The following GABRG3 variants were observed in gnomAD, a reference collection of about 807,000 sequenced individuals.
GABRG3 encodes gamma-aminobutyric acid receptor subunit gamma-3.
A neutral mutation model predicts 48.8 loss-of-function variants in GABRG3; 25 were observed. The ratio of observed to expected loss-of-function variants is 0.51; its 90% confidence interval spans 0.37 to 0.72. The LOEUF (loss-of-function observed/expected upper bound fraction) is 0.72, where lower values mean the gene tolerates loss of function less well. GABRG3 is among the 30% of genes least tolerant of loss of function. The pLI, the probability that GABRG3 is intolerant of heterozygous loss-of-function variation, is 0.00. For missense variants in GABRG3, 394 were observed against 577.9 expected (o/e 0.68, Z 3.26); for synonymous variants, 227 against 217.6 (o/e 1.04, Z -0.38).
At chr15:27,233,168 G>T (rs1182073534) in intron 3 of GABRG3, among the ~76,000 whole-genome samples, 1 of 152,192 alleles carries the variant, frequency 6.6e-6, no homozygotes, top group South Asian at 2.1e-4. Flanking sequence ...GGTGGGGAAG[G>T]CCTCCTGGAG....
At chr15:27,089,205 G>A (rs1264928541) in intron 3 of GABRG3, among the ~76,000 whole-genome samples, 1 of 152,300 alleles carries the variant, frequency 6.6e-6, no homozygotes, top group Non-Finnish European at 1.5e-5. Context: ...GAGCCGCAGG[G>A]AAGGCAGAAC....
chr15:27,006,303 G>A (rs1395744477), intron 2 of GABRG3, among the ~76,000 whole-genome samples: 2 of 152,050 alleles, frequency 1.3e-5, no homozygotes, highest in African/African-American at 4.8e-5. Context: ...CTGGGTTCAA[G>A]CAATTCTCGT....
intron 4 of GABRG3, 104 bp downstream of exon 4, chr15:27,327,133 C>T (rs535624552): frequency 1.2e-5 from 12 of 1,020,080 alleles, no homozygotes; most frequent in African/African-American, 9.6e-5. Flanking sequence ...AGTCTATTCT[C>T]TTTCACGTGA....
At chr15:27,456,087 C>T (rs71465236) in intron 5 of GABRG3, among the ~76,000 whole-genome samples, 17,054 of 152,086 alleles carry the variant, frequency 0.11, 1,562 homozygotes, top group African/African-American at 0.25. Flanking sequence ...ACTATGGTCC[C>T]GCACTGCTTC....
intron 5 of GABRG3, among the ~76,000 whole-genome samples, chr15:27,461,421 G>A (rs1042948471): frequency 2.0e-5 from 3 of 152,140 alleles, no homozygotes; most frequent in Admixed American, 2.0e-4. Flanking sequence ...TGGTCTCTCT[G>A]ACTTCAAGAA....
chr15:27,314,243 T>C (rs1893135388), intron 3 of GABRG3, among the ~76,000 whole-genome samples: 1 of 152,100 alleles, frequency 6.6e-6, no homozygotes, highest in Non-Finnish European at 1.5e-5. Context: ...GGTTGAAAAA[T>C]GGACTAAAGA....
chr15:27,308,695 A>G (rs1892857741), intron 3 of GABRG3, among the ~76,000 whole-genome samples: 1 of 149,544 alleles, frequency 6.7e-6, no homozygotes, highest in Non-Finnish European at 1.5e-5. Flanking sequence ...ATAAACATAT[A>G]ATGTAAACAT....
At chr15:27,344,370 G>T (rs1206370618) in intron 5 of GABRG3, among the ~76,000 whole-genome samples, 2 of 152,196 alleles carry the variant, frequency 1.3e-5, no homozygotes, top group African/African-American at 4.8e-5. Flanking sequence ...GATGCAGGTT[G>T]TAAAGGTCAA....
At chr15:27,052,614 T>C (rs74006563) in intron 3 of GABRG3, among the ~76,000 whole-genome samples, 3,612 of 152,136 alleles carry the variant, frequency 0.024, 156 homozygotes, top group African/African-American at 0.082. Context: ...CAAAAATAAA[T>C]GAGCAAGAAG....
chr15:27,046,237 G>A (rs1896362251), intron 3 of GABRG3, among the ~76,000 whole-genome samples: 1 of 151,664 alleles, frequency 6.6e-6, no homozygotes, highest in Non-Finnish European at 1.5e-5. Flanking sequence ...GGGATTACAG[G>A]CATGCACCAC....
At chr15:27,006,732 C>A (rs929761821) in intron 2 of GABRG3, among the ~76,000 whole-genome samples, 1 of 152,180 alleles carries the variant, frequency 6.6e-6, no homozygotes, top group African/African-American at 2.4e-5. Flanking sequence ...TTTGGCTCCT[C>A]ACTTGTAAGT....
chr15:27,504,494 A>C (rs1275412526), intron 6 of GABRG3, among the ~76,000 whole-genome samples: 1 of 152,194 alleles, frequency 6.6e-6, no homozygotes, highest in Non-Finnish European at 1.5e-5. Context: ...ACAAGAGTAC[A>C]CTTATATTTC....
chr15:27,087,803 G>A (rs1254996486), intron 3 of GABRG3, among the ~76,000 whole-genome samples: 1 of 151,762 alleles, frequency 6.6e-6, no homozygotes, highest in Non-Finnish European at 1.5e-5. Context: ...AATGTGATGT[G>A]TGTATATGAG....
intron 2 of GABRG3, among the ~76,000 whole-genome samples, chr15:26,986,886 A>G (rs1432129): frequency 1.3e-5 from 2 of 152,010 alleles, no homozygotes; most frequent in Non-Finnish European, 2.9e-5. Flanking sequence ...ATAATGAGTT[A>G]TCCCACCAGT....
intron 3 of GABRG3, among the ~76,000 whole-genome samples, chr15:27,139,813 A>G (rs913717213): frequency 6.6e-6 from 1 of 152,200 alleles, no homozygotes; most frequent in Non-Finnish European, 1.5e-5. Flanking sequence ...AGTGACCAGA[A>G]AGATCAAGGC....
intron 6 of GABRG3, among the ~76,000 whole-genome samples, chr15:27,487,354 GA>G (rs1890245858): frequency 6.6e-6 from 1 of 152,140 alleles, no homozygotes; most frequent in Non-Finnish European, 1.5e-5. Flanking sequence ...CTACATAAGA[GA>G]ATTTTATGGT....
intron 3 of GABRG3, among the ~76,000 whole-genome samples, chr15:27,302,483 A>AC (rs2140493959): frequency 6.6e-6 from 1 of 152,252 alleles, no homozygotes; most frequent in South Asian, 2.1e-4. Context: ...GATGCAACAT[A>AC]CATGAAGCAA....
chr15:27,068,168 G>T (rs1333894178), intron 3 of GABRG3, among the ~76,000 whole-genome samples: 2 of 152,234 alleles, frequency 1.3e-5, no homozygotes, highest in Non-Finnish European at 2.9e-5. Context: ...CTCACAGGAA[G>T]GTGTCTCACT....
At chr15:27,209,501 A>G (rs1394695902) in intron 3 of GABRG3, among the ~76,000 whole-genome samples, 1 of 151,992 alleles carries the variant, frequency 6.6e-6, no homozygotes, top group Non-Finnish European at 1.5e-5. Flanking sequence ...TACGCAAGCA[A>G]TGTAAGAGGA....
Sources: allele counts gnomAD v4.1 joint callset (sites outside exome capture counted in the v4.1 genomes callset), GRCh38; gene constraint gnomAD v4.1.1; transcripts MANE v1.5; gene names NCBI Gene and HGNC (gene_info 2026-07-23, HGNC 2026-07-21).